OPN3: variants seen among roughly 807,000 people sequenced by gnomAD.
OPN3 encodes opsin 3, also known as opsin-3.
Under a neutral mutation model 33.8 loss-of-function variants are expected in OPN3, and 29 were observed. The observed-to-expected ratio is 0.86, with a 90% CI of 0.64 to 1.17. The LOEUF (loss-of-function observed/expected upper bound fraction) is 1.17, where lower values mean the gene tolerates loss of function less well. OPN3 is among the 50% of genes most tolerant of loss of function. The pLI is 0.00. For synonymous variants in OPN3, 216 were observed against 216.1 expected (o/e 1.00, Z 0.00); for missense variants, 437 against 514.1 (o/e 0.85, Z 1.45).
chr1:241,620,716 T>A (rs1168086944), intron 1 of OPN3, among the ~76,000 whole-genome samples: 1 of 152,212 alleles, frequency 6.6e-6, no homozygotes, highest in East Asian at 1.9e-4. Context: ...TTAATCAATA[T>A]AAAATTATTG....
At chr1:241,609,057 CTG>C (rs1226800861) in intron 1 of OPN3, among the ~76,000 whole-genome samples, 3 of 152,234 alleles carry the variant, frequency 2.0e-5, no homozygotes, top group African/African-American at 7.2e-5. Flanking sequence ...AATGAAAGGA[CTG>C]TCTTACAACT....
chr1:241,635,069 A>C (rs1173121962), intron 1 of OPN3: 1 of 1,613,004 alleles, frequency 6.2e-7, no homozygotes, highest in Admixed American at 1.7e-5. Context: ...TTTTGACACC[A>C]AATCAATATT....
intron 1 of OPN3, chr1:241,633,810 GC>G: frequency 6.2e-7 from 1 of 1,613,584 alleles, no homozygotes; most frequent in East Asian, 2.2e-5. Flanking sequence ...TTTTGAAGGT[GC>G]TTCTCTGGGC....
chr1:241,633,804 G>A (rs747095226), intron 1 of OPN3: 2 of 1,613,446 alleles, frequency 1.2e-6, no homozygotes, highest in Non-Finnish European at 1.7e-6. Context: ...TTCTAATTTT[G>A]AAGGTGCTTC....
intron 1 of OPN3, among the ~76,000 whole-genome samples, chr1:241,618,419 G>A (rs1664192411): frequency 6.6e-6 from 1 of 152,224 alleles, no homozygotes; most frequent in African/African-American, 2.4e-5. Context: ...TGATGATCCT[G>A]ACTTTCAGAA....
At chr1:241,635,490 C>G in intron 1 of OPN3, 1 of 1,613,832 alleles carries the variant, frequency 6.2e-7, no homozygotes, top group Non-Finnish European at 8.5e-7. Flanking sequence ...ATAGTTTCAT[C>G]CTTCTTGCGA....
chr1:241,634,554 T>C lies in OPN3; in HGVS notation c.373+5328A>G, dbSNP rs202246923. The stretch of plus-strand genomic sequence containing the variant: ...TTGTCGACTACAAAGCATTGTACTT[T>C]ATGACGAAGACAATAGATTCCACCA... On this transcript the variant is annotated intron_variant, in intron 1 of 3. Coordinates refer to ENST00000366554, the MANE Select transcript of OPN3 (RefSeq NM_014322.3). 1.3e-4 allele frequency: 203 copies of C among 1,613,806 alleles called. 1 individual carries two copies. The highest frequency in any genetic ancestry group is 1.7e-4 in the Non-Finnish European group (195 of 1,179,890).
chr1:241,629,137 A>T (rs1664516912), intron 1 of OPN3: 2 of 152,544 alleles, frequency 1.3e-5, no homozygotes, highest in Non-Finnish European at 2.9e-5. Context: ...TTACTTAACC[A>T]TTTCCAATCG....
intron 2 of OPN3, chr1:241,601,182 G>C (rs996306495): frequency 6.6e-6 from 1 of 152,154 alleles, no homozygotes; most frequent in Non-Finnish European, 1.5e-5. Context: ...AAGAAATGAG[G>C]CTGGACAGGT....
In OPN3 at chr1:241,640,007, A is replaced by C. The variant is rs1247934133; in HGVS notation, c.248T>G (p.Ile83Ser). The change falls in exon 1 of 4, where the codon ATC becomes AGC. Residue 83 changes from isoleucine to serine, a missense_variant. Ile to Ser is a moderately radical substitution (Grantham distance 142). Coordinates refer to ENST00000366554, the MANE Select transcript of OPN3 (RefSeq NM_014322.3). Reference protein sequence around the residue: ...RTPTHLLLVNISLSDLLVSLF... With the variant: ...RTPTHLLLVNSSLSDLLVSLF... ...GGACACCAGCAGGTCGCTGAGGCTGATGTTGACCAGGAGGAGGTGAGTGGG... is the reference window on the plus strand; with the variant it reads ...GGACACCAGCAGGTCGCTGAGGCTGCTGTTGACCAGGAGGAGGTGAGTGGG... 11 of 1,613,222 alleles carry C rather than the reference A, an allele frequency of 6.8e-6. No homozygotes were observed. The highest frequency in any genetic ancestry group is 9.3e-6 in the Non-Finnish European group (11 of 1,179,720).
intron 2 of OPN3, among the ~76,000 whole-genome samples, chr1:241,600,038 A>G (rs1387873419): frequency 6.6e-6 from 1 of 152,188 alleles, no homozygotes; most frequent in Non-Finnish European, 1.5e-5. Flanking sequence ...CCAAACCTCC[A>G]GTATTTAGGT....
rs375549907 is a variant in OPN3 at position 241,604,353 on chromosome 1, G to A, written c.600C>T (p.Ser200=). ...CAAGAAATAAGAAAAGCACAAAGGA[G>A]GAATCGTTGGCATCCTTGGATTTCC... ...VDWKSKDAND[S]SFVLFLFLGC... The change falls in exon 2 of 4, where the codon TCC becomes TCT. Residue 200 remains serine (S), a synonymous_variant. Transcript: ENST00000366554. The A allele has an allele frequency of 3.7e-6, 6 of 1,614,188 alleles. No individual in the cohort carries two copies. The South Asian group carries it at 6.6e-5, about 18-fold the overall frequency.
chr1:241,594,858 G>T, intron 3 of OPN3, 167 bp from the exon 4 acceptor site: 1 of 669,968 alleles, frequency 1.5e-6, no homozygotes, highest in Non-Finnish European at 2.5e-6. Context: ...TCACCCCAGA[G>T]CTTTATGTCT....
Position 241,604,515 on chromosome 1 carries a change from G to T in OPN3, c.438C>A (p.Ala146=). Residue 146 remains alanine (A), a synonymous_variant, in exon 2 of 4, where the codon GCC becomes GCA. Transcript: ENST00000366554. The part of the protein sequence containing the change: ...AYERYIRVVH[A]RVINFSWAWR... The stretch of plus-strand genomic sequence containing the variant: ...AGGCCCAGGAAAAATTGATCACTCT[G>T]GCATGGACCACGCGAATGTAACGTT... 1 of 1,614,080 alleles carries T rather than the reference G, an allele frequency of 6.2e-7. No homozygotes were observed. Among genetic ancestry groups the T allele is most frequent in the Non-Finnish European group, 8.5e-7 (1 of 1,180,028 alleles).
intron 1 of OPN3, among the ~76,000 whole-genome samples, chr1:241,627,965 A>G (rs968416229): frequency 5.9e-5 from 9 of 152,108 alleles, no homozygotes; most frequent in Admixed American, 5.2e-4. Flanking sequence ...TCTAGACCCA[A>G]TCCCCTAGAG....
At chr1:241,637,165 G>A (rs1664929962) in intron 1 of OPN3, among the ~76,000 whole-genome samples, 1 of 152,094 alleles carries the variant, frequency 6.6e-6, no homozygotes, top group African/African-American at 2.4e-5. Context: ...TTGAGCTCTG[G>A]TTTTCACTAC....
In OPN3 at chr1:241,594,479, G is replaced by A. The variant is rs373531575; in HGVS notation, c.1158C>T (p.Ser386=). The A allele has an allele frequency of 2.9e-5, 47 of 1,614,036 alleles. No individual in the cohort carries two copies. The highest frequency in any genetic ancestry group is 3.5e-5 in the Non-Finnish European group (41 of 1,179,926). ...CAACTTTGGACCCATTGGTTTTGTC[G>A]CTGTCGTCAACTGACAGTGATTCAT... The part of the protein sequence containing the change: ...TSDESLSVDD[S]DKTNGSKVDV... The change falls in exon 4 of 4, where the codon AGC becomes AGT. Residue 386 remains serine, a synonymous_variant. Coordinates refer to ENST00000366554, the MANE Select transcript of OPN3 (RefSeq NM_014322.3).
intron 1 of OPN3, among the ~76,000 whole-genome samples, chr1:241,639,654 G>A (rs1343285536): frequency 1.3e-5 from 2 of 151,170 alleles, no homozygotes; most frequent in Admixed American, 1.3e-4. Flanking sequence ...TGGAGTCCTG[G>A]ACAGCGTGGG....
chr1:241,635,295 T>A, intron 1 of OPN3: 2 of 1,613,956 alleles, frequency 1.2e-6, no homozygotes, highest in Non-Finnish European at 1.7e-6. Context: ...CTTTTCTGAG[T>A]GTGTTTTGCA....
Sources: gnomAD v4.1 joint callset for allele counts (sites outside exome capture counted in the v4.1 genomes callset) on GRCh38, gnomAD v4.1.1 for gene constraint, MANE v1.5 for transcripts, NCBI Gene and HGNC (gene_info 2026-07-23, HGNC 2026-07-21) for gene names.